Variants in ALDOA observed in about 807,000 individuals in gnomAD.
The protein encoded by ALDOA is aldolase, fructose-bisphosphate A, also known as fructose-bisphosphate aldolase A.
ALDOA carries 26 observed loss-of-function variants against 43.9 expected under a neutral mutation model. That is an observed-to-expected ratio of 0.59 (90% confidence interval 0.43 to 0.82). ALDOA has a LOEUF of 0.82. Among genes scored for constraint, ALDOA ranks in the 40% least tolerant of loss-of-function variants. ALDOA has a pLI of 0.00. For synonymous variants in ALDOA, 258 were observed against 222.6 expected, an observed-to-expected ratio of 1.16 and a Z score of -1.42; for missense variants, 498 against 549.5, an observed-to-expected ratio of 0.91 and a Z score of 0.94.
chr16:30,066,961 T>C lies in ALDOA; in HGVS notation c.64T>C (p.Phe22Leu), dbSNP rs769800173. The C allele has an allele frequency of 9.7e-6, 15 of 1,552,066 alleles. No homozygotes were observed. In the African/African-American group the frequency reaches 1.8e-4, roughly 18 times the overall value. Residue 22 changes from phenylalanine to leucine, a missense_variant, in exon 2 of 10, where the codon TTT becomes CTT. Coordinates refer to ENST00000642816, the MANE Select transcript of ALDOA (RefSeq NM_001243177.4). ...GACCCACCTGTCCATGGCTATGGCC[T>C]TTTCCTTTCCCCCAGTTGCCAGTGG... ...NMTHLSMAMAFSFPPVASGQL... is the reference protein window; with the variant it reads ...NMTHLSMAMALSFPPVASGQL...
chr16:30,064,394 C>G (rs894522475), upstream of ALDOA: 9 of 398,602 alleles, frequency 2.3e-5, no homozygotes, highest in African/African-American at 1.6e-4. Context: ...CCACGTGATC[C>G]GAGTCCCCTC....
At chr16:30,066,697 T>C (rs1046402283) in intron 1 of ALDOA, among the ~76,000 whole-genome samples, 188 bp from the exon 2 acceptor site, 5 of 152,146 alleles carry the variant, frequency 3.3e-5, no homozygotes, top group Non-Finnish European at 7.3e-5. Context: ...CTTGAGGGGA[T>C]TGGAAGGAAC....
chr16:30,065,174 C>T (rs2072056312), upstream of ALDOA, among the ~76,000 whole-genome samples: 3 of 152,216 alleles, frequency 2.0e-5, no homozygotes, highest in Admixed American at 1.3e-4. Flanking sequence ...CTAGTTCCGC[C>T]GCCTTCTCGC....
chr16:30,066,839 C>T lies in ALDOA; in HGVS notation c.-13-46C>T, dbSNP rs1031082679. On this transcript the variant is annotated intron_variant, in intron 1 of 9. Transcript: ENST00000642816. The stretch of plus-strand genomic sequence containing the variant: ...AGGGTGTTGGGCCCTCTGCTTGATT[C>T]ACGATCTTTACATTCTAAAATACTC... The T allele has an allele frequency of 2.6e-6, 4 of 1,525,598 alleles. No homozygotes were observed. In the African/African-American group the frequency reaches 4.1e-5, roughly 16 times the overall value. 94.5% of individuals were successfully genotyped at this position (1,525,598 alleles called of 1,614,324 possible). A position where few individuals can be genotyped will look rare whatever the true frequency, so the allele number is the denominator to read the frequency against.
At chr16:30,066,792 C>A in intron 1 of ALDOA, 93 bp from the exon 2 acceptor site, 1 of 1,394,100 alleles carries the variant, frequency 7.2e-7, no homozygotes, top group Non-Finnish European at 9.7e-7. Context: ...AGACCTTTCC[C>A]ATATCTGGGC....
Position 30,068,576 on chromosome 16 carries a change from CG to C in ALDOA, c.487-66del. 3.9e-6 allele frequency: 6 copies of C among 1,550,952 alleles called. No individual in the cohort carries two copies. The South Asian group carries it at 6.7e-5, about 17-fold the overall frequency. ...TGAGATTCCACCACTGTACTCCAGC[CG>C]GGGCGACAGTGGAAAGGGTGCTAGA... On this transcript the variant is annotated intron_variant, in intron 4 of 9. Coordinates refer to ENST00000642816, the MANE Select transcript of ALDOA (RefSeq NM_001243177.4).
rs1191261496 is a variant in ALDOA at position 30,066,886 on chromosome 16, C to T, written c.-12C>T. The T allele has an allele frequency of 1.3e-6, 2 of 1,548,030 alleles. No homozygotes were observed. The highest frequency in any genetic ancestry group is 1.7e-6 in the Non-Finnish European group (2 of 1,145,458). Reference sequence around the variant, plus strand: ...ACTCCGGTTCGGTTTTGTTTTCAGGCAAGGTGACCCCATGGCAAGGCGCAA... The same window carrying T: ...ACTCCGGTTCGGTTTTGTTTTCAGGTAAGGTGACCCCATGGCAAGGCGCAA... On this transcript the variant is annotated splice_region_variant and 5_prime_UTR_variant, in exon 2 of 10. Transcript: ENST00000642816.
chr16:30,066,613 G>GC (rs1180135886), intron 1 of ALDOA, among the ~76,000 whole-genome samples: 2 of 151,920 alleles, frequency 1.3e-5, no homozygotes, highest in Non-Finnish European at 2.9e-5. Flanking sequence ...CCTACCACCC[G>GC]CCCCCTCCCT....
At position 30,067,273 on chromosome 16, in the gene ALDOA, G is replaced by C; in HGVS notation, c.181G>C (p.Ala61Pro). ...TTSTMPYQYP[A>P]LTPEQKKELS... Reference sequence around the variant, plus strand: ...CAGCACCATGCCCTACCAATATCCAGCACTGACCCCGGAGCAGAAGAAGGA... The same window carrying C: ...CAGCACCATGCCCTACCAATATCCACCACTGACCCCGGAGCAGAAGAAGGA... Residue 61 changes from alanine to proline, a missense_variant, in exon 3 of 10, where the codon GCA (alanine) becomes CCA (proline). By Grantham distance (27) the Ala-to-Pro change is conservative. Coordinates refer to ENST00000642816, the MANE Select transcript of ALDOA (RefSeq NM_001243177.4). 1 of 1,612,446 alleles carries C rather than the reference G, an allele frequency of 6.2e-7. No individual in the cohort carries two copies. Among genetic ancestry groups the C allele is most frequent in the Non-Finnish European group, 8.5e-7 (1 of 1,180,018 alleles).
At chr16:30,069,730 T>A (rs2072252050) in intron 8 of ALDOA, 57 bp downstream of exon 8, 1 of 1,611,636 alleles carries the variant, frequency 6.2e-7, no homozygotes, top group African/African-American at 1.3e-5. Context: ...CCCACAACCC[T>A]ATGCCCATTT....
chr16:30,067,447 C>T lies in ALDOA; in HGVS notation c.275-3C>T, dbSNP rs2072155031. 6.2e-7 allele frequency: 1 copy of T among 1,613,384 alleles called. No individual in the cohort carries two copies. The highest frequency in any genetic ancestry group is 1.7e-5 in the Admixed American group (1 of 59,974). ...TCCCCTAATTCCCATGTGACACTCC[C>T]AGGGAGCATTGCCAAGCGGCTGCAG... is the stretch of plus-strand genomic sequence containing the variant. On this transcript the variant is annotated splice_region_variant and splice_polypyrimidine_tract_variant and intron_variant, in intron 3 of 9. Transcript: ENST00000642816.
upstream of ALDOA, chr16:30,064,316 C>T (rs2072031825): frequency 2.5e-6 from 1 of 398,418 alleles, no homozygotes; most frequent in Admixed American, 4.4e-5. Flanking sequence ...TCAGAACAGC[C>T]ACCATCACCG....
Position 30,069,335 on chromosome 16 carries a change from G to C in ALDOA, c.732G>C (p.Glu244Asp). The change falls in exon 7 of 10, where the codon GAG (glutamate) becomes GAC (aspartate). Residue 244 changes from glutamate (E) to aspartate (D), a missense_variant. Glu to Asp is a conservative substitution (Grantham distance 45). Transcript: ENST00000642816. ...QNGIVPIVEP[E>D]ILPDGDHDLK... ...GCATTGTGCCCATCGTGGAGCCTGA[G>C]ATCCTCCCTGATGGGGACCATGACT... 1 of 1,614,200 alleles carries C rather than the reference G, an allele frequency of 6.2e-7. No homozygotes were observed.
chr16:30,069,374 G>A lies in ALDOA; in HGVS notation c.771G>A (p.Gln257=). ...PDGDHDLKRC[Q]YVTEKVLAAV... Reference sequence around the variant, plus strand: ...GGGACCATGACTTGAAGCGCTGCCAGTATGTGACCGAGAAGGTAAATGGCT... The same window carrying A: ...GGGACCATGACTTGAAGCGCTGCCAATATGTGACCGAGAAGGTAAATGGCT... Residue 257 remains glutamine, a synonymous_variant, in exon 7 of 10, where the codon CAG becomes CAA. Transcript: ENST00000642816. 1 of 1,614,168 alleles carries A rather than the reference G, an allele frequency of 6.2e-7. No homozygotes were observed. The highest frequency in any genetic ancestry group is 8.5e-7 in the Non-Finnish European group (1 of 1,180,034).
At chr16:30,067,690 T>G (rs2072172060) in intron 4 of ALDOA, 29 bp downstream of exon 4, 1 of 1,613,152 alleles carries the variant, frequency 6.2e-7, no homozygotes, top group South Asian at 1.1e-5. Flanking sequence ...GACGTGAGGT[T>G]TGAGATGGAA....
chr16:30,067,924 C>G (rs969323300), intron 4 of ALDOA: 1 of 540,854 alleles, frequency 1.8e-6, no homozygotes, highest in Non-Finnish European at 3.3e-6. Context: ...CAGTCTGACA[C>G]CCAATTCACT....
At chr16:30,066,797 C>G (rs1047663409) in intron 1 of ALDOA, 88 bp from the exon 2 acceptor site, 2 of 1,421,780 alleles carry the variant, frequency 1.4e-6, no homozygotes, top group African/African-American at 2.9e-5. Context: ...TTTCCCATAT[C>G]TGGGCCCTTT....
In ALDOA at chr16:30,067,493, C is replaced by A. The variant is rs768153334; in HGVS notation, c.318C>A (p.Thr106=). 6.8e-6 allele frequency: 11 copies of A among 1,613,596 alleles called. No individual in the cohort carries two copies. Among genetic ancestry groups the A allele is most frequent in the Non-Finnish European group, 9.3e-6 (11 of 1,180,024 alleles). Residue 106 remains threonine, a synonymous_variant, in exon 4 of 10, where the codon ACC becomes ACA. Transcript: ENST00000642816. ...TGCAGTCCATTGGCACCGAGAACAC[C>A]GAGGAGAACCGGCGCTTCTACCGCC... ...KRLQSIGTEN[T]EENRRFYRQL...
chr16:30,068,808 C>T lies in ALDOA; in HGVS notation c.542-10C>T, dbSNP rs756621723. ...CCCCACCGTGCTCTGACCCCTTCCT[C>T]TTCTCTTAGGGTTGGATGGGCTGTC... On this transcript the variant is annotated splice_polypyrimidine_tract_variant and intron_variant, in intron 5 of 9. Transcript: ENST00000642816. 9.9e-6 allele frequency: 16 copies of T among 1,614,098 alleles called. No individual in the cohort carries two copies. Among genetic ancestry groups the T allele is most frequent in the Admixed American group, 6.7e-5 (4 of 60,012 alleles).
Sources: allele counts gnomAD v4.1 joint callset (sites outside exome capture counted in the v4.1 genomes callset), GRCh38; gene constraint gnomAD v4.1.1; transcripts MANE v1.5; gene names NCBI Gene and HGNC (gene_info 2026-07-23, HGNC 2026-07-21).